Variants in RPS6 observed in about 807,000 individuals in gnomAD.
The protein encoded by RPS6 is ribosomal protein S6, also known as small ribosomal subunit protein eS6.
In RPS6, 1 loss-of-function variant was observed where a neutral mutation model predicts 27.1. That is an observed-to-expected ratio of 0.04 (90% CI 0.01 to 0.18). RPS6 has a LOEUF of 0.18. Among genes scored for constraint, RPS6 ranks in the 10% least tolerant of loss-of-function variants. RPS6 has a pLI of 1.00. For synonymous variants in RPS6, 152 were observed against 106.0 expected, an observed-to-expected ratio of 1.43 and a Z score of -2.66; for missense variants, 259 against 319.1, an observed-to-expected ratio of 0.81 and a Z score of 1.44.
chr9:19,380,017 G>C lies in RPS6; in HGVS notation c.6+173C>G, dbSNP rs181018041. 303 of 1,511,458 alleles carry C rather than the reference G, an allele frequency of 2.0e-4. 2 individuals are homozygous for C. The African/African-American group carries it at 3.1e-3, about 15-fold the overall frequency. The allele number at this position is 1,511,458 out of a possible 1,614,324, so 93.6% of individuals were successfully genotyped here. On this transcript the variant is annotated intron_variant, in intron 1 of 5. Coordinates refer to ENST00000380394, the MANE Select transcript of RPS6 (RefSeq NM_001010.3). ...GCCGCGGCTCCAGCCGCAATCGCCTGCCATCCGTTCGGCCAAAAAGCTCCA... is the reference window on the plus strand; with the variant it reads ...GCCGCGGCTCCAGCCGCAATCGCCTCCCATCCGTTCGGCCAAAAAGCTCCA...
At position 19,378,805 on chromosome 9, in the gene RPS6, G is replaced by A. The variant is rs11541624; in HGVS notation, c.252C>T (p.Tyr84=). ...RLLLSKGHSC[Y]RPRRTGERKR... ...TTCTTTCTCCAGTTCTCCTTGGTCT[G>A]TAACAGGAATGCCCCTTACTCAGTA... Residue 84 remains tyrosine, a synonymous_variant, in exon 3 of 6, where the codon TAC becomes TAT. Coordinates refer to ENST00000380394, the MANE Select transcript of RPS6 (RefSeq NM_001010.3). The A allele has an allele frequency of 6.2e-7, 1 of 1,614,124 alleles. No homozygotes were observed. Among genetic ancestry groups the A allele is most frequent in the Admixed American group, 1.7e-5 (1 of 60,022 alleles).
chr9:19,379,272 G>A lies in RPS6; in HGVS notation c.138+215C>T, dbSNP rs957237923. 8.9e-6 allele frequency: 13 copies of A among 1,455,376 alleles called. No individual in the cohort carries two copies. The African/African-American group carries it at 1.9e-4, about 21-fold the overall frequency. 90.2% of individuals were successfully genotyped at this position (1,455,376 alleles called of 1,614,324 possible). ...TTGCCAAATGCATGATGCAGGGCAA[G>A]AATTATGTTGATGTAAACTTTACGT... On this transcript the variant is annotated intron_variant, in intron 2 of 5. Coordinates refer to ENST00000380394, the MANE Select transcript of RPS6 (RefSeq NM_001010.3).
In RPS6 at chr9:19,375,734, TGTTTTTAGTCATTTCCTTTTCA is replaced by T. The variant is rs1394863213; in HGVS notation, c.*537_*558del. On this transcript the variant is annotated 3_prime_UTR_variant, in exon 6 of 6. Coordinates refer to ENST00000380394, the MANE Select transcript of RPS6 (RefSeq NM_001010.3). ...TGTGCATTTTTCACTGATCCAAGAA[TGTTTTTAGTCATTTCCTTTTCA>T]GTGTGTGAACAGCCTAACAATTCAC... The T allele has an allele frequency of 6.6e-6, 1 of 152,320 alleles. No individual in the cohort carries two copies. Among genetic ancestry groups the T allele is most frequent in the East Asian group, 1.9e-4 (1 of 5,198 alleles). The allele number at this position is 152,320 out of a possible 1,614,324, so 9.4% of individuals were successfully genotyped here.
At chr9:19,379,428 T>G in intron 2 of RPS6, 59 bp downstream of exon 2, 1 of 1,605,970 alleles carries the variant, frequency 6.2e-7, no homozygotes, top group Non-Finnish European at 8.5e-7. Flanking sequence ...CAAATACCAG[T>G]TACCAATGGC....
rs766856146 is a variant in RPS6, at chr9:19,378,356, A to G, written c.496+12T>C. The G allele has an allele frequency of 1.9e-6, 3 of 1,610,632 alleles. No homozygotes were observed. Among genetic ancestry groups the G allele is most frequent in the Non-Finnish European group, 2.5e-6 (3 of 1,179,206 alleles). On this transcript the variant is annotated intron_variant, in intron 4 of 5. Coordinates refer to ENST00000380394, the MANE Select transcript of RPS6 (RefSeq NM_001010.3). ...AAAATTAAGCAAGCCCTAATTGCAT[A>G]ATCCCTCCTACCTTCTTTATTTAAG...
chr9:19,380,031 C>T, intron 1 of RPS6, 159 bp downstream of exon 1: 2 of 1,544,250 alleles, frequency 1.3e-6, no homozygotes, highest in Non-Finnish European at 1.7e-6. Context: ...TCCGTTCGGC[C>T]AAAAAGCTCC....
chr9:19,379,930 T>A, intron 1 of RPS6: 2 of 1,430,396 alleles, frequency 1.4e-6, no homozygotes, highest in Non-Finnish European at 1.8e-6. Context: ...TGCCGCAAAC[T>A]GGGCAACACG....
In RPS6 at chr9:19,380,206, C is replaced by T. The variant is rs369511403; in HGVS notation, c.-11G>A. ...ATCACCTACCTTCATCTTGAAGCAG[C>T]TGAACGCCTCCGAGGCGCCACGGAA... On this transcript the variant is annotated 5_prime_UTR_variant, in exon 1 of 6. Transcript: ENST00000380394. 3.5e-5 allele frequency: 57 copies of T among 1,614,170 alleles called. No homozygotes were observed. The African/African-American group carries it at 6.5e-4, about 18-fold the overall frequency.
At position 19,376,491 on chromosome 9, in the gene RPS6, A is replaced by T; in HGVS notation, c.654+3T>A. ...CCACCCCCTCAAATCATCTTAGACTAACCTTCATTCTCTTGGCCAAAAGTT... is the reference window on the plus strand; with the variant it reads ...CCACCCCCTCAAATCATCTTAGACTTACCTTCATTCTCTTGGCCAAAAGTT... On this transcript the variant is annotated splice_donor_region_variant and intron_variant, in intron 5 of 5. Transcript: ENST00000380394. 6.2e-7 allele frequency: 1 copy of T among 1,613,592 alleles called. No individual in the cohort carries two copies. Among genetic ancestry groups the T allele is most frequent in the Non-Finnish European group, 8.5e-7 (1 of 1,179,800 alleles).
intron 2 of RPS6, 107 bp from the exon 3 acceptor site, chr9:19,379,025 G>T: frequency 8.8e-7 from 1 of 1,142,270 alleles, no homozygotes; most frequent in Non-Finnish European, 1.2e-6. Context: ...GTATAATTAT[G>T]AAAACCAATT....
In RPS6 at chr9:19,380,176, C is replaced by G; in HGVS notation, c.6+14G>C. 1.2e-6 allele frequency: 2 copies of G among 1,614,148 alleles called. No homozygotes were observed. Among genetic ancestry groups the G allele is most frequent in the South Asian group, 1.1e-5 (1 of 91,084 alleles). On this transcript the variant is annotated intron_variant, in intron 1 of 5. Transcript: ENST00000380394. The stretch of plus-strand genomic sequence containing the variant: ...TTCCCCAAACCCAGTCTAACACTCG[C>G]CACCATCACCTACCTTCATCTTGAA...
intron 1 of RPS6, 135 bp downstream of exon 1, chr9:19,380,055 G>C: frequency 6.3e-7 from 1 of 1,590,244 alleles, no homozygotes; most frequent in Non-Finnish European, 8.6e-7. Context: ...CCCCAGAAAG[G>C]CGAGCCTTCT....
At chr9:19,376,423 T>C in intron 5 of RPS6, 35 bp from the exon 6 acceptor site, 1 of 1,612,778 alleles carries the variant, frequency 6.2e-7, no homozygotes, top group Non-Finnish European at 8.5e-7. Context: ...GTTAAGGCCT[T>C]TCTGGGTTAA....
chr9:19,379,060 TC>T, intron 2 of RPS6, 142 bp from the exon 3 acceptor site: 3 of 903,176 alleles, frequency 3.3e-6, no homozygotes, highest in Non-Finnish European at 1.6e-6. Context: ...TTTTCTCTGT[TC>T]AGTGAGTTTT....
rs1227340650 is a variant in RPS6 at position 19,378,402 on chromosome 9, G to A, written c.462C>T (p.Arg154=). ...TTAAGGGCTTTCTTACAACATACTGGCGGACATCATCTTCTTTAGAGAGAT... is the reference window on the plus strand; with the variant it reads ...TTAAGGGCTTTCTTACAACATACTGACGGACATCATCTTCTTTAGAGAGAT... ...LFNLSKEDDV[R]QYVVRKPLNK... The change falls in exon 4 of 6, where the codon CGC becomes CGT. Residue 154 remains arginine (R), a synonymous_variant. Transcript: ENST00000380394. 6.2e-6 allele frequency: 10 copies of A among 1,613,082 alleles called. No homozygotes were observed. In the East Asian group the frequency reaches 2.0e-4, roughly 32 times the overall value.
Position 19,380,236 on chromosome 9 carries a change from G to T in RPS6, c.-41C>A. 1 of 1,608,222 alleles carries T rather than the reference G, an allele frequency of 6.2e-7. No homozygotes were observed. The highest frequency in any genetic ancestry group is 1.3e-5 in the African/African-American group (1 of 74,880). Reference sequence around the variant, plus strand: ...CGCCTCCGAGGCGCCACGGAAAAGAGGGCCAACTTCCGCTTAGCGCAGGTC... The same window carrying T: ...CGCCTCCGAGGCGCCACGGAAAAGATGGCCAACTTCCGCTTAGCGCAGGTC... On this transcript the variant is annotated 5_prime_UTR_variant, in exon 1 of 6. Coordinates refer to ENST00000380394, the MANE Select transcript of RPS6 (RefSeq NM_001010.3).
intron 4 of RPS6, 30 bp from the exon 5 acceptor site, chr9:19,376,681 A>G (rs181967199): frequency 8.2e-6 from 13 of 1,585,514 alleles, no homozygotes; most frequent in African/African-American, 1.4e-5. Flanking sequence ...AATCATTTCA[A>G]TATTTGTTTT....
Position 19,379,551 on chromosome 9 carries a change from C to G in RPS6, c.74G>C (p.Arg25Pro), listed in dbSNP as rs768596769. Residue 25 changes from arginine (R) to proline (P), a missense_variant, in exon 2 of 6, where the codon CGT becomes CCT. Arg to Pro is a moderately radical substitution (Grantham distance 103, BLOSUM62 -2). Coordinates refer to ENST00000380394, the MANE Select transcript of RPS6 (RefSeq NM_001010.3). ...LIEVDDERKL[R>P]TFYEKRMATE... ...GGCCATACGCTTCTCATAGAAAGTACGAAGTTTGCGTTCATCGTCCACTTC... is the reference window on the plus strand; with the variant it reads ...GGCCATACGCTTCTCATAGAAAGTAGGAAGTTTGCGTTCATCGTCCACTTC... The G allele has an allele frequency of 1.2e-6, 2 of 1,614,048 alleles. No individual in the cohort carries two copies. The highest frequency in any genetic ancestry group is 1.3e-5 in the African/African-American group (1 of 74,888).
Position 19,379,493 on chromosome 9 carries a change from T to C in RPS6, c.132A>G (p.Glu44=), listed in dbSNP as rs141607232. 1 of 1,614,158 alleles carries C rather than the reference T, an allele frequency of 6.2e-7. No homozygotes were observed. Among genetic ancestry groups the C allele is most frequent in the African/African-American group, 1.3e-5 (1 of 75,048 alleles). The part of the protein sequence containing the change: ...TEVAADALGE[E]WKGYVVRISG... ...ACAATTTGTCAACTTTTACCTTCCA[T>C]TCTTCACCCAGAGCGTCAGCAGCAA... The change falls in exon 2 of 6, where the codon GAA becomes GAG. Residue 44 remains glutamate, a synonymous_variant. Transcript: ENST00000380394.
Sources: allele counts gnomAD v4.1 joint callset, GRCh38; gene constraint gnomAD v4.1.1; transcripts MANE v1.5; gene names NCBI Gene and HGNC (gene_info 2026-07-23, HGNC 2026-07-21).